ZNF407: variants seen among roughly 807,000 people sequenced by gnomAD.
The protein encoded by ZNF407 is zinc finger protein 407.
In ZNF407, 17 loss-of-function variants were observed where a neutral mutation model predicts 131.2. The ratio of observed to expected loss-of-function variants is 0.13; its 90% confidence interval spans 0.09 to 0.19. The LOEUF is 0.19. Among genes scored for constraint, ZNF407 ranks in the 10% least tolerant of loss-of-function variants. ZNF407 has a pLI of 1.00. For synonymous variants in ZNF407, 1,156 were observed against 1,062.0 expected (o/e 1.09, Z -1.72); for missense variants, 2,681 against 2,830.6 (o/e 0.95, Z 1.20).
In ZNF407 at chr18:74,641,953, G is replaced by C. The variant is rs1181362559; in HGVS notation, c.4802+831G>C. On this transcript the variant is annotated intron_variant, in intron 3 of 8. Coordinates refer to ENST00000299687, the MANE Select transcript of ZNF407 (RefSeq NM_017757.3). ...TCATGTGAAACCTGAGAAACTTGCA[G>C]TTCTTATGGCTAATTCACAAAATAC... Among the ~76,000 whole-genome samples the C allele has an allele frequency of 8.6e-5, 13 of 151,802 alleles. No individual in the cohort carries two copies. In the Middle Eastern group the frequency reaches 0.017, roughly 201 times the overall value.
At chr18:74,865,722 A>C (rs1971001293) in intron 4 of ZNF407, among the ~76,000 whole-genome samples, 1 of 152,250 alleles carries the variant, frequency 6.6e-6, no homozygotes, top group Admixed American at 6.5e-5. Context: ...TGAGAAGTAG[A>C]TTAAATCTGC....
At chr18:74,608,598 T>TG (rs1982914195) in intron 1 of ZNF407, among the ~76,000 whole-genome samples, 1 of 152,190 alleles carries the variant, frequency 6.6e-6, no homozygotes, top group Non-Finnish European at 1.5e-5. Flanking sequence ...CCGCCTGCCT[T>TG]GGCCTCTCAA....
chr18:74,962,845 A>C (rs1343217931), intron 8 of ZNF407, among the ~76,000 whole-genome samples: 1 of 152,248 alleles, frequency 6.6e-6, no homozygotes, highest in African/African-American at 2.4e-5. Flanking sequence ...AACTCTTTGA[A>C]GGCCTGAGAC....
chr18:74,920,608 A>G lies in ZNF407; in HGVS notation c.5344A>G (p.Thr1782Ala). The G allele has an allele frequency of 6.2e-7, 1 of 1,611,588 alleles. No homozygotes were observed. Among genetic ancestry groups the G allele is most frequent in the East Asian group, 2.2e-5 (1 of 44,846 alleles). The change falls in exon 8 of 9, where the codon ACC (threonine) becomes GCC (alanine). Residue 1782 changes from threonine to alanine, a missense_variant. Around this residue, in one of 6 missense-constraint regions of ZNF407, gnomAD observed 39 missense variants for 91.8 expected, o/e 0.42. Coordinates refer to ENST00000299687, the MANE Select transcript of ZNF407 (RefSeq NM_017757.3). The stretch of plus-strand genomic sequence containing the variant: ...CAACTGTCCCAAGTGTGACTACGGG[A>G]CCAACGTCCCGGTGGAGTTCCGGAA... ...MYNCPKCDYGTNVPVEFRNHL... is the reference protein window; with the variant it reads ...MYNCPKCDYGANVPVEFRNHL...
intron 1 of ZNF407, among the ~76,000 whole-genome samples, chr18:74,604,963 A>T (rs562387835): frequency 6.6e-6 from 1 of 152,306 alleles, no homozygotes; most frequent in East Asian, 1.9e-4. Context: ...TACAGTAAGC[A>T]GTTTCGCTTA....
chr18:74,868,128 A>T (rs961075373), intron 4 of ZNF407, among the ~76,000 whole-genome samples: 5 of 152,228 alleles, frequency 3.3e-5, no homozygotes, highest in African/African-American at 7.2e-5. Context: ...TTTTCCATTG[A>T]CATGCAAAGG....
Position 75,063,554 on chromosome 18 carries a change from G to C in ZNF407, c.5833G>C (p.Gly1945Arg), listed in dbSNP as rs1246649354. Reference protein sequence around the residue: ...ADGATQVVVVGGSMEGHGMDE... With the variant: ...ADGATQVVVVRGSMEGHGMDE... Reference sequence around the variant, plus strand: ...TGGAGCCACCCAGGTGGTCGTCGTGGGGGGCTCCATGGAAGGCCACGGCAT... The same window carrying C: ...TGGAGCCACCCAGGTGGTCGTCGTGCGGGGCTCCATGGAAGGCCACGGCAT... The change falls in exon 9 of 9, where the codon GGG (glycine) becomes CGG (arginine). Residue 1945 changes from glycine to arginine, a missense_variant. This residue lies in a region of ZNF407 where 620 missense variants were observed against 583.1 expected (regional missense o/e 1.06). Transcript: ENST00000299687. This position sits in a 1 kb window ranked among gnomAD's most constrained non-coding sequence, Gnocchi z 6.6. 2 of 1,567,832 alleles carry C rather than the reference G, an allele frequency of 1.3e-6. No individual in the cohort carries two copies. Among genetic ancestry groups the C allele is most frequent in the African/African-American group, 1.4e-5 (1 of 73,710 alleles).
chr18:74,645,637 T>TTG (rs35047949), intron 3 of ZNF407, among the ~76,000 whole-genome samples: 4,446 of 145,240 alleles, frequency 0.031, 146 homozygotes, highest in African/African-American at 0.089. Flanking sequence ...GTAAAACTCT[T>TTG]TGTGTGTGTG....
chr18:74,605,038 T>C (rs752158027), intron 1 of ZNF407, among the ~76,000 whole-genome samples: 9 of 152,222 alleles, frequency 5.9e-5, no homozygotes, highest in Non-Finnish European at 1.0e-4. Flanking sequence ...ATGGTTTAAC[T>C]AACAGTCTAA....
chr18:74,967,104 T>C (rs530144381), intron 8 of ZNF407, among the ~76,000 whole-genome samples: 136 of 152,158 alleles, frequency 8.9e-4, no homozygotes, highest in Middle Eastern at 3.4e-3. Flanking sequence ...CTACAAAATA[T>C]TTAAAAAAGT....
intron 3 of ZNF407, among the ~76,000 whole-genome samples, chr18:74,765,876 T>A (rs539941521): frequency 6.6e-6 from 1 of 152,176 alleles, no homozygotes; most frequent in African/African-American, 2.4e-5. Flanking sequence ...AAGTTGTTAT[T>A]TCATACATTT....
At chr18:74,851,019 T>C (rs1334224080) in intron 4 of ZNF407, among the ~76,000 whole-genome samples, 1 of 152,260 alleles carries the variant, frequency 6.6e-6, no homozygotes, top group African/African-American at 2.4e-5. Context: ...TCTTTTTGCC[T>C]GTCTGCTGTT....
chr18:75,049,283 T>C (rs950555134), intron 8 of ZNF407, among the ~76,000 whole-genome samples: 1 of 152,066 alleles, frequency 6.6e-6, no homozygotes, highest in African/African-American at 2.4e-5. Flanking sequence ...AAGCCAGAGA[T>C]TGGCATCATG....
chr18:74,767,360 T>TGATGATGATCTTCC (rs1204418769), intron 3 of ZNF407, among the ~76,000 whole-genome samples: 50 of 152,342 alleles, frequency 3.3e-4, no homozygotes, highest in South Asian at 1.0e-3. Flanking sequence ...CGGTAATTGA[T>TGATGATGATCTTCC]GATGATGATC....
intron 8 of ZNF407, among the ~76,000 whole-genome samples, chr18:74,924,399 T>C (rs569517878): frequency 1.3e-5 from 2 of 152,322 alleles, no homozygotes; most frequent in Admixed American, 1.3e-4. Context: ...AGGTCTAATA[T>C]GATGAGATTT....
At chr18:74,759,836 A>AG (rs1969053077) in intron 3 of ZNF407, among the ~76,000 whole-genome samples, 1 of 139,004 alleles carries the variant, frequency 7.2e-6, no homozygotes, top group Admixed American at 7.3e-5. Context: ...TTATGATGCT[A>AG]GTTGAGTTAG....
At chr18:74,664,908 A>T (rs1016653676) in intron 3 of ZNF407, among the ~76,000 whole-genome samples, 4 of 152,198 alleles carry the variant, frequency 2.6e-5, no homozygotes, top group Non-Finnish European at 5.9e-5. Context: ...ATTTTGGTGT[A>T]GAAAGATCAG....
chr18:74,804,380 G>A (rs1337478822), intron 4 of ZNF407: 4 of 1,027,434 alleles, frequency 3.9e-6, no homozygotes, highest in South Asian at 4.3e-5. Context: ...AGCATGCCAT[G>A]TGACAAATGC....
At chr18:74,977,662 G>C (rs1025371490) in intron 8 of ZNF407, among the ~76,000 whole-genome samples, 6 of 152,198 alleles carry the variant, frequency 3.9e-5, no homozygotes, top group African/African-American at 1.4e-4. Flanking sequence ...GCAGTAGAGG[G>C]AGCAGTGCCT....
Sources: gnomAD v4.1 joint callset for allele counts (sites outside exome capture counted in the v4.1 genomes callset) on GRCh38, gnomAD v4.1.1 for gene constraint, gnomAD v4.1.1 regional missense constraint, Gnocchi (gnomAD v3.1) non-coding constraint, MANE v1.5 for transcripts, NCBI Gene and HGNC (gene_info 2026-07-23, HGNC 2026-07-21) for gene names.